The following ZNF586 variants were observed in gnomAD, a reference collection of about 807,000 sequenced individuals.
ZNF586 encodes the protein zinc finger protein 586.
A neutral mutation model predicts 6.7 loss-of-function variants in ZNF586; 7 were observed. The ratio of observed to expected loss-of-function variants is 1.04; its 90% CI spans 0.59 to 1.95. The LOEUF is 1.95. Among genes scored for constraint, ZNF586 ranks in the 30% most tolerant of loss-of-function variants. ZNF586 has a pLI of 0.00. For synonymous variants in ZNF586, 166 were observed against 168.7 expected, an observed-to-expected ratio of 0.98 and a Z score of 0.12; for missense variants, 442 against 489.6, an observed-to-expected ratio of 0.90 and a Z score of 0.92.
At chr19:57,771,936 T>A (rs906571646) in intron 1 of ZNF586, among the ~76,000 whole-genome samples, 1 of 152,180 alleles carries the variant, frequency 6.6e-6, no homozygotes, top group Non-Finnish European at 1.5e-5. Flanking sequence ...GCGATTCTCC[T>A]GCCTCAGCCT....
chr19:57,776,499 A>G, intron 1 of ZNF586, 44 bp from the exon 2 acceptor site: 1 of 1,578,258 alleles, frequency 6.3e-7, no homozygotes, highest in Non-Finnish European at 8.6e-7. Flanking sequence ...GTGGGTCTTC[A>G]GCATAGGGGC....
chr19:57,778,335 A>C (rs1453985527), intron 2 of ZNF586, among the ~76,000 whole-genome samples: 1 of 152,092 alleles, frequency 6.6e-6, no homozygotes, highest in South Asian at 2.1e-4. Context: ...TCGGCCTCGC[A>C]AAGTGCTGGG....
chr19:57,773,311 C>T (rs111892492), intron 1 of ZNF586, among the ~76,000 whole-genome samples: 106 of 151,412 alleles, frequency 7.0e-4, no homozygotes, highest in African/African-American at 2.5e-3. Flanking sequence ...GGGTTTCCTG[C>T]TTGTGTACCT....
rs751845895 is a variant in ZNF586, at chr19:57,779,286, T to C, written c.699T>C (p.Pro233=). 12 of 1,613,916 alleles carry C rather than the reference T, an allele frequency of 7.4e-6. No homozygotes were observed. Among genetic ancestry groups the C allele is most frequent in the Middle Eastern group, 1.6e-4 (1 of 6,084 alleles). ...KHRRIHTGER[P]YECSECGRSF... ...GGAGGATTCACACTGGAGAGAGGCC[T>C]TATGAGTGCAGTGAATGTGGGAGAT... Residue 233 remains proline (P), a synonymous_variant, in exon 3 of 3, where the codon CCT becomes CCC. Transcript: ENST00000396154.
intron 1 of ZNF586, among the ~76,000 whole-genome samples, chr19:57,772,296 C>T (rs1351313858): frequency 2.0e-5 from 3 of 152,058 alleles, no homozygotes; most frequent in Non-Finnish European, 2.9e-5. Flanking sequence ...GGCCATTCTG[C>T]GTGGAAAAAA....
At position 57,779,889 on chromosome 19, in the gene ZNF586, G is replaced by C. The variant is rs1299078152; in HGVS notation, c.*93G>C. The C allele has an allele frequency of 9.0e-6, 10 of 1,105,430 alleles. No homozygotes were observed. The Admixed American group carries it at 1.7e-4, about 19-fold the overall frequency. 68.5% of individuals were successfully genotyped at this position (1,105,430 alleles called of 1,614,324 possible). ...CAAGGTGTTATGAGTGTGACAAATG[G>C]GGAATATTCTTTAGCTAGAATGCTA... On this transcript the variant is annotated 3_prime_UTR_variant, in exon 3 of 3. Coordinates refer to ENST00000396154, the MANE Select transcript of ZNF586 (RefSeq NM_017652.4).
chr19:57,779,866 A>G lies in ZNF586; in HGVS notation c.*70A>G. 7.9e-7 allele frequency: 1 copy of G among 1,268,686 alleles called. No homozygotes were observed. The allele number at this position is 1,268,686 out of a possible 1,614,324, so 78.6% of individuals were successfully genotyped here. A position where few individuals can be genotyped will look rare whatever the true frequency, so the allele number is the denominator to read the frequency against. ...AGGCCAGAGAGTTCACACCAGATCA[A>G]GGTGTTATGAGTGTGACAAATGGGG... On this transcript the variant is annotated 3_prime_UTR_variant, in exon 3 of 3. Transcript: ENST00000396154.
At chr19:57,776,725 G>T (rs1600080111) in intron 2 of ZNF586, 56 bp downstream of exon 2, 6 of 1,517,090 alleles carry the variant, frequency 4.0e-6, no homozygotes, top group East Asian at 2.3e-5. Context: ...TCACCTTTAT[G>T]CCTTATCTCT....
At position 57,779,242 on chromosome 19, in the gene ZNF586, T is replaced by G. The variant is rs771564505; in HGVS notation, c.655T>G (p.Ser219Ala). Residue 219 changes from serine to alanine, a missense_variant, in exon 3 of 3, where the codon TCT becomes GCT. Coordinates refer to ENST00000396154, the MANE Select transcript of ZNF586 (RefSeq NM_017652.4). ...NECGKSFAYT[S>A]SLIKHRRIHT... is the part of the protein sequence containing the mutation. ...ATGTGGGAAGTCCTTTGCTTATACA[T>G]CTAGTCTCATTAAACACAGGAGGAT... is the stretch of plus-strand genomic sequence containing the variant. The G allele has an allele frequency of 6.2e-7, 1 of 1,613,732 alleles. No individual in the cohort carries two copies. The highest frequency in any genetic ancestry group is 8.5e-7 in the Non-Finnish European group (1 of 1,179,972).
At position 57,780,467 on chromosome 19, in the gene ZNF586, G is replaced by C. The variant is rs1409167718; in HGVS notation, c.*671G>C. ...GGACTACCTTTTTCAGGGATCTTTT[G>C]GATCTCACAGAGTTCTTAAGATGGA... On this transcript the variant is annotated 3_prime_UTR_variant, in exon 3 of 3. Transcript: ENST00000396154. 1.3e-5 allele frequency: 2 copies of C among 152,070 alleles called. No individual in the cohort carries two copies. The highest frequency in any genetic ancestry group is 4.8e-5 in the African/African-American group (2 of 41,400). 9.4% of individuals were successfully genotyped at this position (152,070 alleles called of 1,614,324 possible).
rs999075396 is a variant in ZNF586, at chr19:57,776,982, T to C, written c.163+313T>C. ...TCCAAGGCTTCTGTTTGTCTCAAGT[T>C]CCGTTTCCCTCCTTTAGTTCACATT... On this transcript the variant is annotated intron_variant, in intron 2 of 2. Transcript: ENST00000396154. Among the ~76,000 whole-genome samples, 4 of 152,156 alleles carry C rather than the reference T, an allele frequency of 2.6e-5. 1 individual carries two copies. In the East Asian group the frequency reaches 5.8e-4, roughly 22 times the overall value.
At chr19:57,776,512 T>A (rs368492567) in intron 1 of ZNF586, 31 bp from the exon 2 acceptor site, 22 of 1,598,476 alleles carry the variant, frequency 1.4e-5, no homozygotes, top group Non-Finnish European at 1.8e-5. Context: ...ATAGGGGCCA[T>A]TTGTGGTTTC....
At chr19:57,774,483 ATTGCACTCCAGC>A (rs951138112) in intron 1 of ZNF586, among the ~76,000 whole-genome samples, 16 of 151,772 alleles carry the variant, frequency 1.1e-4, no homozygotes, top group African/African-American at 3.9e-4. Flanking sequence ...AGATCGCGCC[ATTGCACTCCAGC>A]CTGGGCAACA....
chr19:57,777,324 T>G (rs1987259856), intron 2 of ZNF586, among the ~76,000 whole-genome samples: 1 of 152,198 alleles, frequency 6.6e-6, no homozygotes, highest in Non-Finnish European at 1.5e-5. Flanking sequence ...TTTCCCTTAG[T>G]ACTTACATTA....
At position 57,772,944 on chromosome 19, in the gene ZNF586, C is replaced by A. The variant is rs1459141262; in HGVS notation, c.36+3066C>A. Among the ~76,000 whole-genome samples the A allele has an allele frequency of 2.0e-5, 3 of 152,148 alleles. 1 individual carries two copies. The East Asian group carries it at 5.8e-4, about 29-fold the overall frequency. ...CTCTTTTCCCTGACCGGTCTCCATTCTGAAGTTATCTAGGGGTTTCCAACC... is the reference window on the plus strand; with the variant it reads ...CTCTTTTCCCTGACCGGTCTCCATTATGAAGTTATCTAGGGGTTTCCAACC... On this transcript the variant is annotated intron_variant, in intron 1 of 2. Transcript: ENST00000396154.
chr19:57,771,766 C>T (rs985543348), intron 1 of ZNF586, among the ~76,000 whole-genome samples: 1 of 152,020 alleles, frequency 6.6e-6, no homozygotes, highest in Non-Finnish European at 1.5e-5. Flanking sequence ...GATTAATGGA[C>T]TAGAGTTGTG....
At chr19:57,775,003 CTTTT>C (rs11310885) in intron 1 of ZNF586, among the ~76,000 whole-genome samples, 1 of 141,686 alleles carries the variant, frequency 7.1e-6, no homozygotes, top group Non-Finnish European at 1.5e-5. Context: ...TTCTTTTTTT[CTTTT>C]TTTTTTTTTT....
In ZNF586 at chr19:57,778,808, A is replaced by C; in HGVS notation, c.221A>C (p.His74Pro). 6.2e-7 allele frequency: 1 copy of C among 1,614,180 alleles called. No homozygotes were observed. The highest frequency in any genetic ancestry group is 1.1e-5 in the South Asian group (1 of 91,078). Residue 74 changes from histidine (H) to proline (P), a missense_variant, in exon 3 of 3, where the codon CAT becomes CCT. By Grantham distance (77) the His-to-Pro change is moderately conservative. Transcript: ENST00000396154. ...AAPSKQSTCI[H>P]IYKDQGGHSG... is the part of the protein sequence containing the mutation. ...CCTTCTAAGCAGAGCACGTGTATACATATATACAAAGACCAGGGAGGTCAT... is the reference window on the plus strand; with the variant it reads ...CCTTCTAAGCAGAGCACGTGTATACCTATATACAAAGACCAGGGAGGTCAT...
intron 1 of ZNF586, among the ~76,000 whole-genome samples, chr19:57,774,415 C>T (rs539804712): frequency 3.3e-5 from 5 of 150,408 alleles, no homozygotes; most frequent in South Asian, 4.2e-4. Flanking sequence ...CCCAGCTACT[C>T]GGGAGGCTGA....
Sources: allele counts gnomAD v4.1 joint callset (sites outside exome capture counted in the v4.1 genomes callset), GRCh38; gene constraint gnomAD v4.1.1; transcripts MANE v1.5; gene names NCBI Gene and HGNC (gene_info 2026-07-23, HGNC 2026-07-21).